The following DLGAP3 variants were observed in gnomAD, a reference collection of about 807,000 sequenced individuals.
The protein encoded by DLGAP3 is DLG associated protein 3, also known as disks large-associated protein 3.
Under a neutral mutation model 81.2 loss-of-function variants are expected in DLGAP3, and 17 were observed. The observed-to-expected ratio is 0.21, with a 90% CI of 0.14 to 0.31. DLGAP3 has a LOEUF of 0.31. Among genes scored for constraint, DLGAP3 ranks in the 10% least tolerant of loss-of-function variants. The probability of loss-of-function intolerance (pLI) is 1.00; values close to 1 mark genes in which losing one functional copy is unlikely to be tolerated. For synonymous variants in DLGAP3, 577 were observed against 587.4 expected (o/e 0.98, Z 0.26); for missense variants, 1,124 against 1,388.0 (o/e 0.81, Z 3.02).
chr1:34,885,269 C>T (rs1639202583), intron 7 of DLGAP3, among the ~76,000 whole-genome samples: 1 of 152,208 alleles, frequency 6.6e-6, no homozygotes, highest in Admixed American at 6.5e-5. Flanking sequence ...CTCCATTAGT[C>T]AGGAGGGGCG....
At chr1:34,911,824 C>A (rs926521322) in intron 1 of DLGAP3, among the ~76,000 whole-genome samples, 2 of 152,214 alleles carry the variant, frequency 1.3e-5, no homozygotes, top group Admixed American at 6.5e-5. Context: ...AAGCAATTAC[C>A]TTCCAGAAAA....
At chr1:34,911,897 G>A (rs1639645599) in intron 1 of DLGAP3, among the ~76,000 whole-genome samples, 1 of 152,196 alleles carries the variant, frequency 6.6e-6, no homozygotes, top group South Asian at 2.1e-4. Flanking sequence ...GCCCTGCCCA[G>A]CCAAATCAGT....
intron 8 of DLGAP3, among the ~76,000 whole-genome samples, chr1:34,875,134 A>G (rs758881297): frequency 3.7e-4 from 57 of 152,196 alleles, no homozygotes; most frequent in Admixed American, 6.5e-4. Flanking sequence ...CTTTTGCAGG[A>G]CTGTTCTTGG....
intron 1 of DLGAP3, among the ~76,000 whole-genome samples, chr1:34,908,642 G>T (rs1042955318): frequency 6.6e-6 from 1 of 152,176 alleles, no homozygotes; most frequent in Non-Finnish European, 1.5e-5. Flanking sequence ...GTGATTAATA[G>T]TAGTGGAAGA....
In DLGAP3 at chr1:34,869,006, G is replaced by C; in HGVS notation, c.2084C>G (p.Thr695Arg). ...LELEGLAGLA[T>R]VATEDKALQF... ...CAGGGCCTTGTCTTCTGTGGCCACC[G>C]TGGCCAGGCCTGCCAGGCCCTCCAG... The change falls in exon 9 of 12, where the codon ACG becomes AGG. Residue 695 changes from threonine (T) to arginine (R), a missense_variant. Thr to Arg is a moderately conservative substitution (Grantham distance 71). Around this residue, in one of 9 missense-constraint regions of DLGAP3, gnomAD observed 379 missense variants for 455.7 expected, o/e 0.83. Transcript: ENST00000373347. 1 of 1,605,580 alleles carries C rather than the reference G, an allele frequency of 6.2e-7. No individual in the cohort carries two copies. The highest frequency in any genetic ancestry group is 8.5e-7 in the Non-Finnish European group (1 of 1,179,416).
In DLGAP3 at chr1:34,895,046, C is replaced by G. The variant is rs1639362814; in HGVS notation, c.1386+4623G>C. ...TTTATACCCCATAAATATATACACC[C>G]ACAATTTGTCAATTTATAATAAAAA... On this transcript the variant is annotated intron_variant, in intron 5 of 11. Transcript: ENST00000373347. This position sits in a 1 kb window ranked among gnomAD's most constrained non-coding sequence, Gnocchi z 4.5. Among the ~76,000 whole-genome samples the G allele has an allele frequency of 1.3e-5, 2 of 152,050 alleles. No homozygotes were observed. The highest frequency in any genetic ancestry group is 6.5e-5 in the Admixed American group (1 of 15,272).
intron 5 of DLGAP3, among the ~76,000 whole-genome samples, chr1:34,890,346 A>T (rs1010361439): frequency 2.0e-5 from 3 of 152,184 alleles, no homozygotes; most frequent in Admixed American, 2.0e-4. Context: ...ATTGAAGGTG[A>T]GTGTATTATG....
At chr1:34,907,857 C>T (rs1336051139) in intron 1 of DLGAP3, among the ~76,000 whole-genome samples, 4 of 152,176 alleles carry the variant, frequency 2.6e-5, no homozygotes, top group Non-Finnish European at 4.4e-5. Context: ...GGGGAACAAC[C>T]TCTCACGTGA....
intron 5 of DLGAP3, 145 bp from the exon 6 acceptor site, chr1:34,886,430 A>C (rs971201838): frequency 1.9e-5 from 15 of 804,126 alleles, no homozygotes; most frequent in Non-Finnish European, 2.2e-5. Flanking sequence ...AGAAACTCTA[A>C]CTCTTTGCAA....
rs780932284 is a variant in DLGAP3 at position 34,904,349 on chromosome 1, C to T, written c.1035G>A (p.Pro345=). The T allele has an allele frequency of 1.9e-5, 31 of 1,612,418 alleles. No homozygotes were observed. Among genetic ancestry groups the T allele is most frequent in the Admixed American group, 6.7e-5 (4 of 60,008 alleles). ...MMVSQGRDGY[P]GAGPGKGLLG... ...GGAGCCCCTTGCCTGGCCCGGCCCC[C>T]GGGTATCCATCCCGGCCCTGGCTGA... The change falls in exon 3 of 12, where the codon CCG becomes CCA. Residue 345 remains proline, a synonymous_variant. Transcript: ENST00000373347. The surrounding 1 kb of genome is among the most constrained non-coding windows in gnomAD (Gnocchi z 8.1).
chr1:34,909,102 C>T (rs1639602029), intron 1 of DLGAP3, among the ~76,000 whole-genome samples: 1 of 152,252 alleles, frequency 6.6e-6, no homozygotes, highest in Admixed American at 6.5e-5. Flanking sequence ...ATCCCATTTG[C>T]TCTGTGCATG....
rs1452463312 is a variant in DLGAP3, at chr1:34,913,468, C to T, written c.-134-6031G>A. On this transcript the variant is annotated intron_variant, in intron 1 of 11. Coordinates refer to ENST00000373347, the MANE Select transcript of DLGAP3 (RefSeq NM_001080418.3). ...CTCTGCCTCGGAAGAGACAGAGAGGCCTACCTGATCACTCGCTCCAACTAA... is the reference window on the plus strand; with the variant it reads ...CTCTGCCTCGGAAGAGACAGAGAGGTCTACCTGATCACTCGCTCCAACTAA... Among the ~76,000 whole-genome samples, 5 of 152,310 alleles carry T rather than the reference C, an allele frequency of 3.3e-5. No homozygotes were observed. The East Asian group carries it at 9.6e-4, about 29-fold the overall frequency.
intron 1 of DLGAP3, among the ~76,000 whole-genome samples, chr1:34,909,686 T>C (rs191676467): frequency 1.0e-3 from 155 of 152,264 alleles, no homozygotes; most frequent in African/African-American, 3.3e-3. Flanking sequence ...CTTCCTCCTA[T>C]ATATTATGCT....
chr1:34,928,908 T>C, intron 1 of DLGAP3, among the ~76,000 whole-genome samples: 1 of 149,710 alleles, frequency 6.7e-6, no homozygotes, highest in East Asian at 2.0e-4. Context: ...CCCTCCACAC[T>C]CACGCTGCAT....
intron 1 of DLGAP3, among the ~76,000 whole-genome samples, chr1:34,924,911 T>C (rs1411959994): frequency 1.3e-5 from 2 of 152,176 alleles, no homozygotes; most frequent in Non-Finnish European, 2.9e-5. Context: ...GGAGAATTTT[T>C]CTAGTGAGCC....
In DLGAP3 at chr1:34,895,921, C is replaced by CAT. The variant is rs948534213; in HGVS notation, c.1386+3747_1386+3748insAT. ...ACCCCTAACTTGAATCACACATACA[C>CAT]ACACACACACACACACACACACACA... is the stretch of plus-strand genomic sequence containing the variant. On this transcript the variant is annotated intron_variant, in intron 5 of 11. Transcript: ENST00000373347. The surrounding 1 kb of genome is among the most constrained non-coding windows in gnomAD (Gnocchi z 4.5). Among the ~76,000 whole-genome samples, 5 of 93,024 alleles carry CAT rather than the reference C, an allele frequency of 5.4e-5. No homozygotes were observed. Among genetic ancestry groups the CAT allele is most frequent in the Admixed American group, 2.7e-4 (2 of 7,454 alleles). The allele number at this position is 93,024 out of a possible 152,430, so 61.0% of individuals were successfully genotyped here.
At position 34,885,623 on chromosome 1, in the gene DLGAP3, A is replaced by T. The variant is rs776861422; in HGVS notation, c.1769T>A (p.Met590Lys). 6.5e-7 allele frequency: 1 copy of T among 1,548,012 alleles called. No homozygotes were observed. Among genetic ancestry groups the T allele is most frequent in the Non-Finnish European group, 8.7e-7 (1 of 1,151,962 alleles). The change falls in exon 7 of 12, where the codon ATG (methionine) becomes AAG (lysine). Residue 590 changes from methionine to lysine, a missense_variant. Met to Lys is a moderately conservative substitution (Grantham distance 95, BLOSUM62 -1). Around this residue, in one of 9 missense-constraint regions of DLGAP3, gnomAD observed 379 missense variants for 455.7 expected, o/e 0.83. Transcript: ENST00000373347. ...CGCCAACTCCAGTGTGCGCGCACCC[A>T]TGGCGGGGCCGTCCAGCCCGTCGGC... ...SSADGLDGPA[M>K]GARTLELAPV... is the part of the protein sequence containing the mutation.
intron 5 of DLGAP3, among the ~76,000 whole-genome samples, chr1:34,897,248 T>C (rs1639391709): frequency 6.6e-6 from 1 of 152,082 alleles, no homozygotes; most frequent in Non-Finnish European, 1.5e-5. Context: ...GTCAAGTATA[T>C]GTGATGTTAG....
chr1:34,894,781 A>C (rs1247397678), intron 5 of DLGAP3, among the ~76,000 whole-genome samples: 1 of 152,222 alleles, frequency 6.6e-6, no homozygotes. Context: ...AGGAGTAAAA[A>C]AGGTAGAGAT....
Sources: allele counts gnomAD v4.1 joint callset (sites outside exome capture counted in the v4.1 genomes callset), GRCh38; gene constraint gnomAD v4.1.1; regional missense constraint gnomAD v4.1.1; non-coding constraint Gnocchi (gnomAD v3.1); transcripts MANE v1.5; gene names NCBI Gene and HGNC (gene_info 2026-07-23, HGNC 2026-07-21).